SMYD3: variants seen among roughly 807,000 people sequenced by gnomAD.
The protein encoded by SMYD3 is SET and MYND domain containing 3.
Under a neutral mutation model 57.7 loss-of-function variants are expected in SMYD3, and 36 were observed. The ratio of observed to expected loss-of-function variants is 0.62; its 90% confidence interval spans 0.48 to 0.82. The LOEUF is 0.82. Ranked by LOEUF, SMYD3 falls within the 40% of genes least tolerant of loss-of-function variation. SMYD3 has a pLI of 0.00. For missense variants in SMYD3, 515 were observed against 538.8 expected (o/e 0.96, Z 0.44); for synonymous variants, 211 against 195.0 (o/e 1.08, Z -0.68).
chr1:246,240,020 T>C lies in SMYD3; in HGVS notation c.531+87181A>G, dbSNP rs1234633577. ...TTGTCAGATGAGTAGATTGTAAAAA[T>C]TTTCTCCCATTCTGTAGGTTGCCTG... is the stretch of plus-strand genomic sequence containing the variant. On this transcript the variant is annotated intron_variant, in intron 5 of 11. Transcript: ENST00000490107. Among the ~76,000 whole-genome samples the C allele has an allele frequency of 2.0e-5, 3 of 152,160 alleles. No homozygotes were observed. In the East Asian group the frequency reaches 5.8e-4, roughly 29 times the overall value.
intron 11 of SMYD3, among the ~76,000 whole-genome samples, chr1:245,762,053 G>A (rs1558309449): frequency 6.6e-6 from 1 of 152,062 alleles, no homozygotes; most frequent in Non-Finnish European, 1.5e-5. Context: ...CCAAAGTGCT[G>A]GGATTATAGA....
chr1:245,961,133 G>C (rs1209586522), intron 5 of SMYD3, among the ~76,000 whole-genome samples: 1 of 152,162 alleles, frequency 6.6e-6, no homozygotes, highest in African/African-American at 2.4e-5. Context: ...AATCAGAGTA[G>C]AGATGGTGGT....
chr1:246,376,634 A>C (rs2148740364), intron 1 of SMYD3, among the ~76,000 whole-genome samples: 1 of 151,492 alleles, frequency 6.6e-6, no homozygotes, highest in Admixed American at 6.6e-5. Context: ...AACCAGTATA[A>C]ACAACATTAC....
chr1:246,372,359 T>A (rs1228583875), intron 1 of SMYD3, among the ~76,000 whole-genome samples: 1 of 152,140 alleles, frequency 6.6e-6, no homozygotes, highest in African/African-American at 2.4e-5. Context: ...TTTGAGCATA[T>A]CTTTTTATTC....
intron 10 of SMYD3, among the ~76,000 whole-genome samples, chr1:245,806,953 A>G (rs1277817348): frequency 6.7e-6 from 1 of 149,288 alleles, no homozygotes; most frequent in African/African-American, 2.5e-5. Flanking sequence ...AAAGAGGGAG[A>G]AAAATGGTAA....
intron 5 of SMYD3, among the ~76,000 whole-genome samples, chr1:246,167,528 GA>G (rs2062239238): frequency 1.5e-5 from 1 of 67,386 alleles, no homozygotes; most frequent in African/African-American, 5.5e-5. Context: ...TTTTTTTTTT[GA>G]AGACGGAGTC....
intron 8 of SMYD3, among the ~76,000 whole-genome samples, chr1:245,881,118 G>T (rs1313637867): frequency 6.6e-6 from 1 of 152,160 alleles, no homozygotes; most frequent in African/African-American, 2.4e-5. Context: ...GGATAATGGG[G>T]ATATTCATGC....
chr1:246,265,298 A>G (rs905462425), intron 5 of SMYD3, among the ~76,000 whole-genome samples: 1 of 141,188 alleles, frequency 7.1e-6, no homozygotes, highest in African/African-American at 2.6e-5. Flanking sequence ...TACCCAGCTA[A>G]TTTTTGTATT....
At chr1:245,872,203 G>A (rs1234013018) in intron 8 of SMYD3, among the ~76,000 whole-genome samples, 1 of 152,244 alleles carries the variant, frequency 6.6e-6, no homozygotes, top group East Asian at 1.9e-4. Context: ...AAGTAAAATT[G>A]GCTTTAAAAG....
chr1:246,408,501 T>C (rs971320674), intron 1 of SMYD3, among the ~76,000 whole-genome samples: 3 of 152,062 alleles, frequency 2.0e-5, no homozygotes, highest in East Asian at 1.9e-4. Flanking sequence ...TATTTTACTA[T>C]ACAGGAAAAT....
At chr1:245,939,184 A>T in intron 5 of SMYD3, among the ~76,000 whole-genome samples, 1 of 151,968 alleles carries the variant, frequency 6.6e-6, no homozygotes, top group Non-Finnish European at 1.5e-5. Flanking sequence ...AAAAAAAAAG[A>T]ATGTGAAGAA....
intron 5 of SMYD3, chr1:246,052,713 G>C (rs1378959694): frequency 6.6e-6 from 1 of 152,172 alleles, no homozygotes; most frequent in Non-Finnish European, 1.5e-5. Flanking sequence ...ATGGCCTTTG[G>C]AGTGACCAGA....
At chr1:246,114,084 C>T (rs920962870) in intron 5 of SMYD3, among the ~76,000 whole-genome samples, 2 of 152,174 alleles carry the variant, frequency 1.3e-5, no homozygotes, top group African/African-American at 2.4e-5. Flanking sequence ...ACTAATAGAA[C>T]CCCATTATCA....
chr1:246,036,523 G>A (rs2148279618), intron 5 of SMYD3, among the ~76,000 whole-genome samples: 1 of 144,874 alleles, frequency 6.9e-6, no homozygotes, highest in South Asian at 2.3e-4. Context: ...TATTTTCTCT[G>A]TACTCTTCTT....
chr1:245,848,612 G>C (rs190438611), intron 10 of SMYD3, among the ~76,000 whole-genome samples: 1 of 151,716 alleles, frequency 6.6e-6, no homozygotes, highest in East Asian at 2.0e-4. Flanking sequence ...AAGTCTTGCT[G>C]TGTCACCCAG....
At chr1:245,846,151 G>C (rs2050653688) in intron 10 of SMYD3, among the ~76,000 whole-genome samples, 1 of 152,204 alleles carries the variant, frequency 6.6e-6, no homozygotes, top group African/African-American at 2.4e-5. Context: ...GGACAAGACT[G>C]TGAGGAAGAA....
At chr1:245,873,055 G>T (rs1248089347) in intron 8 of SMYD3, among the ~76,000 whole-genome samples, 1 of 152,208 alleles carries the variant, frequency 6.6e-6, no homozygotes, top group African/African-American at 2.4e-5. Flanking sequence ...GCATCTACAC[G>T]TTGAGGGCAG....
chr1:245,861,236 T>A (rs1572534214), intron 9 of SMYD3, among the ~76,000 whole-genome samples: 1 of 152,374 alleles, frequency 6.6e-6, no homozygotes, highest in East Asian at 1.9e-4. Flanking sequence ...GTCCCTGGCA[T>A]CTGTGTGGTG....
chr1:245,953,411 A>G, intron 5 of SMYD3: 1 of 923,632 alleles, frequency 1.1e-6, no homozygotes, highest in Non-Finnish European at 1.3e-6. Flanking sequence ...GCTTAAAAGT[A>G]GGGTTCAGTT....
Sources: gnomAD v4.1 joint callset for allele counts (sites outside exome capture counted in the v4.1 genomes callset) on GRCh38, gnomAD v4.1.1 for gene constraint, MANE v1.5 for transcripts, NCBI Gene and HGNC (gene_info 2026-07-23, HGNC 2026-07-21) for gene names.